The following OR2A25 variants were observed in gnomAD, a reference collection of about 807,000 sequenced individuals.
OR2A25 encodes the protein olfactory receptor 2A25.
For synonymous variants in OR2A25, 162 were observed against 148.1 expected (o/e 1.09, Z -0.68); for missense variants, 362 against 368.3 (o/e 0.98, Z 0.14).
Position 144,074,584 on chromosome 7 carries a change from A to G in OR2A25, c.365A>G (p.Tyr122Cys). Residue 122 changes from tyrosine (Y) to cysteine (C), a missense_variant, in exon 2 of 2, where the codon TAC (tyrosine) becomes TGC (cysteine). Coordinates refer to ENST00000641663, the MANE Select transcript of OR2A25 (RefSeq NM_001386096.1). Reference sequence around the variant, plus strand: ...CTGGTGGTGATGTCCTATGATCGGTACGTGGCCATCTGCCACCCTCTCCGA... The same window carrying G: ...CTGGTGGTGATGTCCTATGATCGGTGCGTGGCCATCTGCCACCCTCTCCGA... The part of the protein sequence containing the change: ...LLLVVMSYDR[Y>C]VAICHPLRYS... 1.9e-6 allele frequency: 3 copies of G among 1,614,164 alleles called. No individual in the cohort carries two copies. The highest frequency in any genetic ancestry group is 2.5e-6 in the Non-Finnish European group (3 of 1,180,014).
At chr7:144,070,852 G>A (rs771450670) in intron 1 of OR2A25, among the ~76,000 whole-genome samples, 1 of 151,956 alleles carries the variant, frequency 6.6e-6, no homozygotes, top group Non-Finnish European at 1.5e-5. Context: ...CATAGTAGGT[G>A]TATATATTTA....
rs1270377816 is a variant in OR2A25 at position 144,074,966 on chromosome 7, CTT to C, written c.750_751del (p.Phe250LeufsTer10). On this transcript the variant is annotated frameshift_variant, in exon 2 of 2. Coordinates refer to ENST00000641663, the MANE Select transcript of OR2A25 (RefSeq NM_001386096.1). LOFTEE classifies it low-confidence loss of function (END_TRUNC). Reference sequence around the variant, plus strand: ...CCTCCCACCTCTGTGTGGTTGGACTCTTTTATGGCACAGCCATCATCATGTAT... The same window carrying C: ...CCTCCCACCTCTGTGTGGTTGGACTCTTATGGCACAGCCATCATCATGTAT... ...CSSHLCVVGL[F>X]YGTAIIMYVE... 6 of 1,614,120 alleles carry C rather than the reference CTT, an allele frequency of 3.7e-6. No homozygotes were observed. The East Asian group carries it at 1.1e-4, about 30-fold the overall frequency.
In OR2A25 at chr7:144,071,500, G is replaced by A. The variant is rs544817270; in HGVS notation, c.-5+1604G>A. Among the ~76,000 whole-genome samples the A allele has an allele frequency of 8.7e-4, 132 of 152,078 alleles. 1 individual carries two copies. The highest frequency in any genetic ancestry group is 3.4e-3 in the Middle Eastern group (1 of 294). ...AACATAGGAGTGCAGATATCTCTTC[G>A]ATATACTGATTTCCTTTCTTTTGGG... On this transcript the variant is annotated intron_variant, in intron 1 of 1. Transcript: ENST00000641663.
At chr7:144,070,330 C>A (rs542577425) in intron 1 of OR2A25, 5 of 152,064 alleles carry the variant, frequency 3.3e-5, no homozygotes, top group Admixed American at 1.3e-4. Flanking sequence ...ATTTGTGAAG[C>A]TTTACCTAAC....
rs2051104538 is a variant in OR2A25, at chr7:144,075,239, C to T, written c.*87C>T. 1.1e-5 allele frequency: 10 copies of T among 931,418 alleles called. No individual in the cohort carries two copies. The allele number at this position is 931,418 out of a possible 1,614,324, so 57.7% of individuals were successfully genotyped here. Reference sequence around the variant, plus strand: ...TCCCTACTCAGGATACATAATCACACTCTAGAGAACCCTTTCCATCTTCTT... The same window carrying T: ...TCCCTACTCAGGATACATAATCACATTCTAGAGAACCCTTTCCATCTTCTT... On this transcript the variant is annotated 3_prime_UTR_variant, in exon 2 of 2. Coordinates refer to ENST00000641663, the MANE Select transcript of OR2A25 (RefSeq NM_001386096.1).
chr7:144,070,843 A>G (rs2128799882), intron 1 of OR2A25, among the ~76,000 whole-genome samples: 1 of 152,206 alleles, frequency 6.6e-6, no homozygotes, highest in Admixed American at 6.6e-5. Flanking sequence ...TTGTAGGTAC[A>G]TAGTAGGTGT....
rs61729541 is a variant in OR2A25 at position 144,075,125 on chromosome 7, G to A, written c.906G>A (p.Arg302=). The change falls in exon 2 of 2, where the codon AGG becomes AGA. Residue 302 remains arginine, a synonymous_variant. Coordinates refer to ENST00000641663, the MANE Select transcript of OR2A25 (RefSeq NM_001386096.1). The stretch of plus-strand genomic sequence containing the variant: ...AGGAAGTCCAAGGTACTCTAAAGAG[G>A]ATGCTTGAAAAGAAGAGAACTTCAT... ...RNKEVQGTLK[R]MLEKKRTS is the part of the protein sequence containing the mutation. The A allele has an allele frequency of 4.6e-3, 7,368 of 1,609,148 alleles. 289 individuals are homozygous for A. The African/African-American group carries it at 0.085, about 19-fold the overall frequency.
Position 144,075,275 on chromosome 7 carries a change from T to C in OR2A25, c.*123T>C. On this transcript the variant is annotated 3_prime_UTR_variant, in exon 2 of 2. Coordinates refer to ENST00000641663, the MANE Select transcript of OR2A25 (RefSeq NM_001386096.1). Reference sequence around the variant, plus strand: ...CCTTTCCATCTTCTTGAAATTTTCCTATGACTACCTCCCGAGAAAGCCCAT... The same window carrying C: ...CCTTTCCATCTTCTTGAAATTTTCCCATGACTACCTCCCGAGAAAGCCCAT... 1.4e-6 allele frequency: 1 copy of C among 717,338 alleles called. No homozygotes were observed. Among genetic ancestry groups the C allele is most frequent in the South Asian group, 1.9e-5 (1 of 52,794 alleles). The allele number at this position is 717,338 out of a possible 1,614,324, so 44.4% of individuals were successfully genotyped here. A position where few individuals can be genotyped will look rare whatever the true frequency, so the allele number is the denominator to read the frequency against.
intron 1 of OR2A25, among the ~76,000 whole-genome samples, chr7:144,071,176 C>T (rs1247247154): frequency 2.0e-5 from 3 of 151,944 alleles, no homozygotes; most frequent in African/African-American, 7.3e-5. Context: ...CCCCTGCTAC[C>T]CTTCCCAGCC....
rs185887494 is a variant in OR2A25, at chr7:144,072,861, A to G, written c.-4-1355A>G. Among the ~76,000 whole-genome samples, 6 of 152,250 alleles carry G rather than the reference A, an allele frequency of 3.9e-5. No homozygotes were observed. In the East Asian group the frequency reaches 1.2e-3, roughly 29 times the overall value. Reference sequence around the variant, plus strand: ...AAGCCTAAGTGCTCATCAATGAATGAATAAAGAAAATGTGATATATATACA... The same window carrying G: ...AAGCCTAAGTGCTCATCAATGAATGGATAAAGAAAATGTGATATATATACA... On this transcript the variant is annotated intron_variant, in intron 1 of 1. Transcript: ENST00000641663.
At chr7:144,073,596 C>A (rs1283215969) in intron 1 of OR2A25, among the ~76,000 whole-genome samples, 1 of 151,866 alleles carries the variant, frequency 6.6e-6, no homozygotes, top group Non-Finnish European at 1.5e-5. Context: ...CAGAGTAGAC[C>A]CTCTATGGGT....
At position 144,074,969 on chromosome 7, in the gene OR2A25, T is replaced by C; in HGVS notation, c.750T>C (p.Phe250=). The change falls in exon 2 of 2, where the codon TTT becomes TTC. Residue 250 remains phenylalanine (F), a synonymous_variant. Coordinates refer to ENST00000641663, the MANE Select transcript of OR2A25 (RefSeq NM_001386096.1). ...CCCACCTCTGTGTGGTTGGACTCTTTTATGGCACAGCCATCATCATGTATG... is the reference window on the plus strand; with the variant it reads ...CCCACCTCTGTGTGGTTGGACTCTTCTATGGCACAGCCATCATCATGTATG... ...CSSHLCVVGL[F]YGTAIIMYVE... is the part of the protein sequence containing the mutation. The C allele has an allele frequency of 6.2e-7, 1 of 1,614,206 alleles. No individual in the cohort carries two copies. The highest frequency in any genetic ancestry group is 2.2e-5 in the East Asian group (1 of 44,872).
chr7:144,070,397 T>G (rs1563034066), intron 1 of OR2A25: 1 of 152,108 alleles, frequency 6.6e-6, no homozygotes, highest in African/African-American at 2.4e-5. Flanking sequence ...AAATGTAAGT[T>G]TTTATATTAT....
In OR2A25 at chr7:144,073,688, T is replaced by G. The variant is rs535762544; in HGVS notation, c.-4-528T>G. 3.2e-4 allele frequency among the ~76,000 whole-genome samples: 48 copies of G among 152,290 alleles called. 1 individual carries two copies. In the South Asian group the frequency reaches 9.5e-3, roughly 30 times the overall value. On this transcript the variant is annotated intron_variant, in intron 1 of 1. Transcript: ENST00000641663. The stretch of plus-strand genomic sequence containing the variant: ...GCCATTCTCTTAACTTAATTCAAGA[T>G]TATGCAATCAGTAAAAATCACAAGT...
rs778095371 is a variant in OR2A25, at chr7:144,075,144, A to G, written c.925A>G (p.Thr309Ala). Residue 309 changes from threonine (T) to alanine (A), a missense_variant, in exon 2 of 2, where the codon ACT (threonine) becomes GCT (alanine). Thr to Ala is a moderately conservative substitution (Grantham distance 58, BLOSUM62 0). Coordinates refer to ENST00000641663, the MANE Select transcript of OR2A25 (RefSeq NM_001386096.1). ...TLKRMLEKKR[T>A]S ...AAAGAGGATGCTTGAAAAGAAGAGA[A>G]CTTCATGAAAGCCTGAAAGAATAGT... is the stretch of plus-strand genomic sequence containing the variant. The G allele has an allele frequency of 6.2e-7, 1 of 1,604,650 alleles. No individual in the cohort carries two copies. The highest frequency in any genetic ancestry group is 8.5e-7 in the Non-Finnish European group (1 of 1,175,664).
intron 1 of OR2A25, 147 bp from the exon 2 acceptor site, chr7:144,074,069 A>C: frequency 1.4e-6 from 1 of 706,292 alleles, no homozygotes. Context: ...TGTAATGCAT[A>C]ATTTTCTCTT....
chr7:144,072,211 G>A (rs2051072080), intron 1 of OR2A25, among the ~76,000 whole-genome samples: 1 of 151,882 alleles, frequency 6.6e-6, no homozygotes, highest in African/African-American at 2.4e-5. Flanking sequence ...TTTTATTTTA[G>A]TGAAATCCAG....
chr7:144,072,849 C>G (rs989590014), intron 1 of OR2A25, among the ~76,000 whole-genome samples: 1 of 151,970 alleles, frequency 6.6e-6, no homozygotes, highest in Non-Finnish European at 1.5e-5. Flanking sequence ...CCTAAGTGCT[C>G]ATCAATGAAT....
chr7:144,072,584 A>G (rs2051074896), intron 1 of OR2A25, among the ~76,000 whole-genome samples: 1 of 152,110 alleles, frequency 6.6e-6, no homozygotes, highest in South Asian at 2.1e-4. Flanking sequence ...CTAGAATAAA[A>G]CAGAAAACAA....
Sources: allele counts gnomAD v4.1 joint callset (sites outside exome capture counted in the v4.1 genomes callset), GRCh38; gene constraint gnomAD v4.1.1; transcripts MANE v1.5; gene names NCBI Gene and HGNC (gene_info 2026-07-23, HGNC 2026-07-21).